The following TMEM131 variants were observed in gnomAD, a reference collection of about 807,000 sequenced individuals.
The protein encoded by TMEM131 is 2610524E03Rik.
Under a neutral mutation model 211.6 loss-of-function variants are expected in TMEM131, and 66 were observed. The observed-to-expected ratio is 0.31, with a 90% CI of 0.26 to 0.38. The LOEUF is 0.38. TMEM131 is among the 10% of genes least tolerant of loss of function. The pLI is 1.00. For synonymous variants in TMEM131, 844 were observed against 841.3 expected, an observed-to-expected ratio of 1.00 and a Z score of -0.06; for missense variants, 2,036 against 2,299.3, an observed-to-expected ratio of 0.89 and a Z score of 2.34.
At chr2:97,959,401 ACT>A (rs1293143510) in intron 1 of TMEM131, among the ~76,000 whole-genome samples, 1 of 152,070 alleles carries the variant, frequency 6.6e-6, no homozygotes, top group Non-Finnish European at 1.5e-5. Context: ...TGTGGTCCTG[ACT>A]CTCAAACAGG....
chr2:97,849,786 A>G (rs1673529150), intron 5 of TMEM131, among the ~76,000 whole-genome samples: 1 of 115,352 alleles, frequency 8.7e-6, no homozygotes, highest in Non-Finnish European at 1.7e-5. Context: ...ACTCAAGCAT[A>G]TTTTAGCCTG....
chr2:97,823,256 C>T (rs574255463), intron 11 of TMEM131, among the ~76,000 whole-genome samples: 6 of 152,162 alleles, frequency 3.9e-5, no homozygotes, highest in East Asian at 1.9e-4. Context: ...CAAAACTCCC[C>T]GGGCTATCGG....
intron 35 of TMEM131, 102 bp from the exon 36 acceptor site, chr2:97,762,302 T>G (rs1678895373): frequency 8.2e-7 from 1 of 1,216,620 alleles, no homozygotes. Context: ...CTCAAGCCCT[T>G]CTACAAAGAA....
chr2:97,802,112 A>C (rs1365075074), intron 24 of TMEM131, among the ~76,000 whole-genome samples, 151 bp from the exon 25 acceptor site: 1 of 152,222 alleles, frequency 6.6e-6, no homozygotes, highest in Non-Finnish European at 1.5e-5. Flanking sequence ...TAAGAAAATT[A>C]AAGGCCACAA....
intron 25 of TMEM131, 87 bp from the exon 26 acceptor site, chr2:97,797,603 A>G (rs1415345103): frequency 3.3e-6 from 4 of 1,213,712 alleles, no homozygotes; most frequent in Non-Finnish European, 3.4e-6. Context: ...AGAGCCCAGT[A>G]TAGTTTCTCA....
At chr2:97,862,179 G>A (rs2105187650) in intron 4 of TMEM131, among the ~76,000 whole-genome samples, 1 of 152,204 alleles carries the variant, frequency 6.6e-6, no homozygotes, top group Middle Eastern at 3.4e-3. Context: ...TGGGCTTGGG[G>A]TGCCCCCTAA....
At chr2:97,843,889 C>T (rs1683310414) in intron 6 of TMEM131, among the ~76,000 whole-genome samples, 2 of 152,074 alleles carry the variant, frequency 1.3e-5, no homozygotes, top group African/African-American at 4.8e-5. Context: ...TATAAGTCAG[C>T]ATGAAAATAT....
intron 2 of TMEM131, among the ~76,000 whole-genome samples, chr2:97,910,362 G>A (rs915417845): frequency 7.9e-5 from 12 of 152,054 alleles, no homozygotes; most frequent in African/African-American, 2.4e-4. Context: ...CATACGACCC[G>A]CAATCCCACT....
chr2:97,783,760 T>C (rs1019259846), intron 31 of TMEM131, among the ~76,000 whole-genome samples: 1 of 151,904 alleles, frequency 6.6e-6, no homozygotes, highest in African/African-American at 2.4e-5. Context: ...AACATATCAA[T>C]AAGCACATTA....
At chr2:97,856,778 T>C (rs1200575859) in intron 5 of TMEM131, among the ~76,000 whole-genome samples, 1 of 152,210 alleles carries the variant, frequency 6.6e-6, no homozygotes, top group Admixed American at 6.5e-5. Flanking sequence ...CTCTCCCCTC[T>C]ACGTCTCGAG....
At chr2:97,943,995 T>G (rs1263055733) in intron 1 of TMEM131, among the ~76,000 whole-genome samples, 1 of 152,028 alleles carries the variant, frequency 6.6e-6, no homozygotes, top group Non-Finnish European at 1.5e-5. Flanking sequence ...GGCAGGAGAA[T>G]TGCTTGAACC....
intron 1 of TMEM131, among the ~76,000 whole-genome samples, chr2:97,967,125 T>C (rs2104588057): frequency 6.6e-6 from 1 of 152,036 alleles, no homozygotes; most frequent in East Asian, 1.9e-4. Context: ...TAAAAGGGAG[T>C]TACTCAGATC....
At chr2:97,899,293 AGT>A in intron 3 of TMEM131, among the ~76,000 whole-genome samples, 1 of 152,282 alleles carries the variant, frequency 6.6e-6, no homozygotes. Context: ...CTTACGAAGA[AGT>A]GTATTTCTTC....
chr2:97,826,491 G>A (rs1274113056), intron 11 of TMEM131, among the ~76,000 whole-genome samples: 4 of 152,090 alleles, frequency 2.6e-5, no homozygotes, highest in Non-Finnish European at 5.9e-5. Flanking sequence ...AAAAGGGGAA[G>A]GAGAAGGGAG....
intron 1 of TMEM131, among the ~76,000 whole-genome samples, chr2:97,966,484 G>A (rs1679064637): frequency 6.6e-6 from 1 of 152,160 alleles, no homozygotes; most frequent in African/African-American, 2.4e-5. Flanking sequence ...CTTGAGGCCA[G>A]GAATCACCCC....
intron 10 of TMEM131, 118 bp from the exon 11 acceptor site, chr2:97,833,544 A>C: frequency 1.7e-6 from 1 of 588,292 alleles, no homozygotes; most frequent in Non-Finnish European, 3.0e-6. Context: ...AATGACAATA[A>C]GATTAATAAA....
intron 38 of TMEM131, 134 bp downstream of exon 38, chr2:97,760,459 C>A (rs1288649645): frequency 2.6e-5 from 22 of 845,284 alleles, no homozygotes; most frequent in Non-Finnish European, 3.7e-5. Context: ...CTTAGAGGCA[C>A]TTGACCACTT....
At chr2:97,790,948 T>A (rs919107139) in intron 31 of TMEM131, among the ~76,000 whole-genome samples, 3 of 152,214 alleles carry the variant, frequency 2.0e-5, no homozygotes, top group African/African-American at 7.2e-5. Flanking sequence ...CTAAAACTCC[T>A]TGACTCTGGG....
At chr2:97,777,392 G>T (rs550131219) in intron 31 of TMEM131, among the ~76,000 whole-genome samples, 2 of 152,258 alleles carry the variant, frequency 1.3e-5, no homozygotes, top group African/African-American at 4.8e-5. Context: ...TGTTTAAAAC[G>T]GGTTGGCAAA....
Sources: gnomAD v4.1 joint callset for allele counts (sites outside exome capture counted in the v4.1 genomes callset) on GRCh38, gnomAD v4.1.1 for gene constraint, MANE v1.5 for transcripts, NCBI Gene and HGNC (gene_info 2026-07-23, HGNC 2026-07-21) for gene names.